Variants in EFCAB5 observed in about 807,000 individuals in gnomAD.
EFCAB5 encodes EF-hand calcium binding domain 5.
EFCAB5 carries 131 observed loss-of-function variants against 167.9 expected under a neutral mutation model. That is an observed-to-expected ratio of 0.78 (90% CI 0.68 to 0.90). The LOEUF (loss-of-function observed/expected upper bound fraction) is 0.90, where lower values mean the gene tolerates loss of function less well. Among genes scored for constraint, EFCAB5 ranks in the 40% least tolerant of loss-of-function variants. The probability of loss-of-function intolerance (pLI) is 0.00; values close to 1 mark genes in which losing one functional copy is unlikely to be tolerated. For missense variants in EFCAB5, 1,663 were observed against 1,745.2 expected, an observed-to-expected ratio of 0.95 and a Z score of 0.84; for synonymous variants, 574 against 602.8, an observed-to-expected ratio of 0.95 and a Z score of 0.70.
intron 22 of EFCAB5, among the ~76,000 whole-genome samples, chr17:30,105,685 G>A: frequency 6.6e-6 from 1 of 152,084 alleles, no homozygotes; most frequent in East Asian, 1.9e-4. Context: ...TAATGTTACT[G>A]AGCTATAATC....
At chr17:30,075,268 A>G (rs1380728984) in intron 14 of EFCAB5, among the ~76,000 whole-genome samples, 2 of 152,118 alleles carry the variant, frequency 1.3e-5, no homozygotes, top group Non-Finnish European at 2.9e-5. Context: ...AACATCTTGC[A>G]CTAATCGGCC....
intron 14 of EFCAB5, among the ~76,000 whole-genome samples, chr17:30,062,023 T>C (rs2070438548): frequency 6.6e-6 from 1 of 152,262 alleles, no homozygotes; most frequent in African/African-American, 2.4e-5. Context: ...GCTATTAACA[T>C]TCTTGGCTAT....
Position 29,943,650 on chromosome 17 carries a change from G to A in EFCAB5, c.190+1G>A. On this transcript the variant is annotated splice_donor_variant, in intron 3 of 22. Coordinates refer to ENST00000394835, the MANE Select transcript of EFCAB5 (RefSeq NM_198529.4). LOFTEE classifies it high-confidence loss of function. ...GCAATGGATGAAATCAAATCCCAAG[G>A]TAGAGAACTAGCCTTTCTCTTATAC... 6.4e-7 allele frequency: 1 copy of A among 1,568,858 alleles called. No individual in the cohort carries two copies. The highest frequency in any genetic ancestry group is 8.6e-7 in the Non-Finnish European group (1 of 1,156,110).
Position 30,083,018 on chromosome 17 carries a change from AC to A in EFCAB5, c.3555del (p.Phe1186LeufsTer2). On this transcript the variant is annotated frameshift_variant, in exon 18 of 23. Coordinates refer to ENST00000394835, the MANE Select transcript of EFCAB5 (RefSeq NM_198529.4). LOFTEE classifies it high-confidence loss of function. ...VTSSITSITTYFVEPSPAQDS... is the reference protein window; with the variant it reads ...VTSSITSITTXFVEPSPAQDS... ...TCCAGCATCACCTCCATCACTACGT[AC>A]TTTGTAGAGCCTAGCCCAGCCCAGG... is the stretch of plus-strand genomic sequence containing the variant. 1 of 1,613,954 alleles carries A rather than the reference AC, an allele frequency of 6.2e-7. No individual in the cohort carries two copies. The highest frequency in any genetic ancestry group is 8.5e-7 in the Non-Finnish European group (1 of 1,179,868).
chr17:30,016,529 A>G (rs963549650), intron 7 of EFCAB5, among the ~76,000 whole-genome samples: 7 of 152,166 alleles, frequency 4.6e-5, no homozygotes, highest in Admixed American at 2.0e-4. Context: ...AACTCATTAT[A>G]TGTGTATATT....
chr17:29,980,943 A>G (rs1454899269), intron 4 of EFCAB5, among the ~76,000 whole-genome samples: 2 of 152,194 alleles, frequency 1.3e-5, no homozygotes, highest in South Asian at 2.1e-4. Context: ...ATTTCTAGTC[A>G]GTCATTAAGT....
intron 22 of EFCAB5, among the ~76,000 whole-genome samples, chr17:30,096,677 A>ATATATTTTT (rs1193558323): frequency 4.0e-4 from 24 of 60,124 alleles, no homozygotes; most frequent in African/African-American, 2.0e-3. Flanking sequence ...ATATATATAT[A>ATATATTTTT]TTTTTTTTTT....
At chr17:29,938,880 A>G (rs1411152057), upstream of EFCAB5, among the ~76,000 whole-genome samples, 2 of 152,176 alleles carry the variant, frequency 1.3e-5, no homozygotes, top group African/African-American at 2.4e-5. Flanking sequence ...GGTTGGAATC[A>G]ACTTCTTCCA....
chr17:30,046,305 A>G lies in EFCAB5; in HGVS notation c.1201-4813A>G, dbSNP rs1350394393. Among the ~76,000 whole-genome samples, 7 of 152,176 alleles carry G rather than the reference A, an allele frequency of 4.6e-5. No homozygotes were observed. The East Asian group carries it at 1.3e-3, about 29-fold the overall frequency. On this transcript the variant is annotated intron_variant, in intron 8 of 22. Transcript: ENST00000394835. ...GGTTGCTTGGGTTGAAGTGCCTATT[A>G]AAGAAAAAAGCTTTTGCTGCATTTG...
intron 7 of EFCAB5, among the ~76,000 whole-genome samples, chr17:30,007,238 G>A (rs2068791424): frequency 6.6e-6 from 1 of 152,188 alleles, no homozygotes; most frequent in Non-Finnish European, 1.5e-5. Flanking sequence ...GGATAAATTA[G>A]AAGTGGTAAG....
intron 4 of EFCAB5, among the ~76,000 whole-genome samples, chr17:29,978,486 T>A (rs2068105322): frequency 6.6e-6 from 1 of 152,210 alleles, no homozygotes; most frequent in South Asian, 2.1e-4. Flanking sequence ...TATTAAATAC[T>A]TAAGAAATTC....
chr17:30,045,375 T>A (rs1252474637), intron 8 of EFCAB5, among the ~76,000 whole-genome samples: 1 of 149,802 alleles, frequency 6.7e-6, no homozygotes, highest in Non-Finnish European at 1.5e-5. Context: ...GGAAAATCGA[T>A]TGAACCCGGG....
chr17:30,088,482 A>T (rs1401244802), intron 19 of EFCAB5, among the ~76,000 whole-genome samples: 6 of 152,240 alleles, frequency 3.9e-5, no homozygotes, highest in African/African-American at 1.4e-4. Context: ...ATACATTCAC[A>T]TCACTCATCA....
intron 10 of EFCAB5, among the ~76,000 whole-genome samples, chr17:30,054,575 T>C (rs777553539): frequency 2.0e-5 from 3 of 152,234 alleles, no homozygotes; most frequent in Non-Finnish European, 4.4e-5. Context: ...AAAGTCATAT[T>C]CAAGACAGAA....
At chr17:30,005,040 G>A (rs1487219328) in intron 7 of EFCAB5, among the ~76,000 whole-genome samples, 1 of 152,038 alleles carries the variant, frequency 6.6e-6, no homozygotes, top group African/African-American at 2.4e-5. Flanking sequence ...TGCAGCCTGA[G>A]CTAAGACACA....
At chr17:30,051,291 T>C in intron 9 of EFCAB5, 74 bp downstream of exon 9, 2 of 1,244,128 alleles carry the variant, frequency 1.6e-6, no homozygotes, top group Non-Finnish European at 1.2e-6. Flanking sequence ...TATGATACAC[T>C]GATATGTTAA....
At chr17:30,005,919 T>A (rs931859737) in intron 7 of EFCAB5, among the ~76,000 whole-genome samples, 1 of 152,214 alleles carries the variant, frequency 6.6e-6, no homozygotes, top group African/African-American at 2.4e-5. Flanking sequence ...TGACTCCAAG[T>A]TTTAGACAGA....
chr17:29,984,281 TA>T (rs1439089940), intron 4 of EFCAB5, among the ~76,000 whole-genome samples: 1 of 150,756 alleles, frequency 6.6e-6, no homozygotes, highest in Non-Finnish European at 1.5e-5. Context: ...ATGAAACAGA[TA>T]AATAGCAGAA....
At chr17:30,101,419 G>A (rs2071381340) in intron 22 of EFCAB5, among the ~76,000 whole-genome samples, 1 of 152,210 alleles carries the variant, frequency 6.6e-6, no homozygotes, top group South Asian at 2.1e-4. Flanking sequence ...CCATGGTTTG[G>A]AAGGATGGAG....
Sources: gnomAD v4.1 joint callset for allele counts (sites outside exome capture counted in the v4.1 genomes callset) on GRCh38, gnomAD v4.1.1 for gene constraint, MANE v1.5 for transcripts, NCBI Gene and HGNC (gene_info 2026-07-23, HGNC 2026-07-21) for gene names.